COL11A1: variants seen among roughly 807,000 people sequenced by gnomAD.
COL11A1 encodes collagen alpha-1(XI) chain.
A neutral mutation model predicts 265.2 loss-of-function variants in COL11A1; 74 were observed. The observed-to-expected ratio is 0.28, with a 90% CI of 0.23 to 0.34. The LOEUF (loss-of-function observed/expected upper bound fraction) is 0.34. Among genes scored for constraint, COL11A1 ranks in the 10% least tolerant of loss-of-function variants. COL11A1 has a pLI of 1.00. For synonymous variants in COL11A1, 816 were observed against 727.6 expected, an observed-to-expected ratio of 1.12 and a Z score of -1.96; for missense variants, 2,165 against 2,263.6, an observed-to-expected ratio of 0.96 and a Z score of 0.88.
chr1:103,064,776 G>A (rs1055530788), intron 4 of COL11A1, among the ~76,000 whole-genome samples: 3 of 151,222 alleles, frequency 2.0e-5, no homozygotes, highest in African/African-American at 7.3e-5. Context: ...AACTGAAAAG[G>A]CTGCATACTG....
chr1:103,093,531 C>A (rs1368822496), intron 1 of COL11A1, among the ~76,000 whole-genome samples: 1 of 152,060 alleles, frequency 6.6e-6, no homozygotes, highest in East Asian at 1.9e-4. Flanking sequence ...TACAGTTGTG[C>A]AAATTCAGTC....
intron 43 of COL11A1, among the ~76,000 whole-genome samples, chr1:102,939,370 A>G (rs1346395572): frequency 2.0e-5 from 3 of 152,174 alleles, no homozygotes; most frequent in Non-Finnish European, 4.4e-5. Flanking sequence ...GGTAACGGAA[A>G]TACACTGACA....
Position 102,989,500 on chromosome 1 carries a change from C to T in COL11A1, c.2394+18G>A. The T allele has an allele frequency of 6.3e-7, 1 of 1,578,306 alleles. No individual in the cohort carries two copies. ...ATATTAAATTTTGTGTACTGGTGTA[C>T]ATTTTCTCTATACTTACTCTGTCAC... On this transcript the variant is annotated intron_variant, in intron 29 of 66. Coordinates refer to ENST00000370096, the MANE Select transcript of COL11A1 (RefSeq NM_001854.4).
Position 102,921,556 on chromosome 1 carries a change from G to T in COL11A1, c.3670C>A (p.Pro1224Thr). 6.2e-7 allele frequency: 1 copy of T among 1,613,120 alleles called. No individual in the cohort carries two copies. The highest frequency in any genetic ancestry group is 8.5e-7 in the Non-Finnish European group (1 of 1,179,470). Residue 1224 changes from proline (P) to threonine (T), a missense_variant, in exon 48 of 67, where the codon CCA (proline) becomes ACA (threonine). Transcript: ENST00000370096. ...DVGPMGPPGP[P>T]GPRGPQGPNG... is the part of the protein sequence containing the mutation. ...GGACCTTGAGGGCCTCTTGGGCCTG[G>T]AGGACCAGGTGGCCCCTGTAAGAGA...
chr1:103,074,155 A>T (rs896360770), intron 4 of COL11A1, among the ~76,000 whole-genome samples: 1 of 152,084 alleles, frequency 6.6e-6, no homozygotes, highest in Non-Finnish European at 1.5e-5. Flanking sequence ...CATATTTTTT[A>T]AAGTGATTTA....
chr1:103,059,452 A>G (rs1670494151), intron 4 of COL11A1, among the ~76,000 whole-genome samples: 1 of 152,178 alleles, frequency 6.6e-6, no homozygotes, highest in South Asian at 2.1e-4. Flanking sequence ...CCAGTGCATC[A>G]TGTTCACCTT....
rs146613937 is a variant in COL11A1, at chr1:102,926,895, A to T, written c.3601-3506T>A. 4.9e-3 allele frequency among the ~76,000 whole-genome samples: 741 copies of T among 152,276 alleles called. 7 individuals carry two copies. The highest frequency in any genetic ancestry group is 0.017 in the African/African-American group (715 of 41,580). On this transcript the variant is annotated intron_variant, in intron 46 of 66. Coordinates refer to ENST00000370096, the MANE Select transcript of COL11A1 (RefSeq NM_001854.4). ...ATGTGGTACTTATGACTGTTTACGT[A>T]TAATTGTCTAACAAGTATAACCTAA... is the stretch of plus-strand genomic sequence containing the variant.
At chr1:103,103,870 A>G (rs144832303) in intron 1 of COL11A1, among the ~76,000 whole-genome samples, 2 of 152,094 alleles carry the variant, frequency 1.3e-5, no homozygotes, top group African/African-American at 4.8e-5. Flanking sequence ...CCAAAATAAA[A>G]CTTTAATTAG....
chr1:102,892,554 A>G (rs1570646836), intron 57 of COL11A1, among the ~76,000 whole-genome samples: 1 of 152,278 alleles, frequency 6.6e-6, no homozygotes, highest in African/African-American at 2.4e-5. Flanking sequence ...TTTCTCATCT[A>G]CAAGCTGGGG....
At chr1:102,957,894 T>A (rs984571740) in intron 41 of COL11A1, among the ~76,000 whole-genome samples, 15 of 152,018 alleles carry the variant, frequency 9.9e-5, no homozygotes, top group African/African-American at 3.6e-4. Context: ...GAATAACAGA[T>A]ATAAAATACC....
chr1:103,056,214 G>A (rs1393189034), intron 4 of COL11A1, among the ~76,000 whole-genome samples: 1 of 152,038 alleles, frequency 6.6e-6, no homozygotes, highest in Non-Finnish European at 1.5e-5. Context: ...GTTAGAAAGT[G>A]TACGGGAATC....
chr1:102,994,324 AT>A (rs367688114), intron 28 of COL11A1, among the ~76,000 whole-genome samples: 149,024 of 152,102 alleles, frequency 0.98, 73,078 homozygotes, highest in East Asian at 1. Context: ...GTGGATTTCC[AT>A]TGAATGGTTT....
At chr1:102,961,767 T>C in intron 41 of COL11A1, 99 bp downstream of exon 41, 1 of 1,110,442 alleles carries the variant, frequency 9.0e-7, no homozygotes. Flanking sequence ...GTGTTTATTT[T>C]CTCTCCCACA....
intron 41 of COL11A1, among the ~76,000 whole-genome samples, chr1:102,961,285 TA>T (rs1660882565): frequency 6.6e-6 from 1 of 152,170 alleles, no homozygotes; most frequent in Admixed American, 6.5e-5. Flanking sequence ...AAAAATCTGA[TA>T]TTTACTAATT....
At chr1:102,904,232 A>C (rs1653601156) in intron 54 of COL11A1, among the ~76,000 whole-genome samples, 2 of 152,196 alleles carry the variant, frequency 1.3e-5, no homozygotes, top group Non-Finnish European at 2.9e-5. Context: ...TTCAAGATGG[A>C]TTAAAGACTT....
At chr1:103,037,350 T>C (rs1163490381) in intron 4 of COL11A1, among the ~76,000 whole-genome samples, 1 of 151,898 alleles carries the variant, frequency 6.6e-6, no homozygotes, top group Non-Finnish European at 1.5e-5. Context: ...TAAGGTCACA[T>C]GTCAATGTGT....
At chr1:102,985,960 A>C (rs1375986903) in intron 30 of COL11A1, among the ~76,000 whole-genome samples, 34 of 152,154 alleles carry the variant, frequency 2.2e-4, no homozygotes, top group Admixed American at 2.2e-3. Flanking sequence ...TAGAAGTTGC[A>C]AAGTATGAAA....
intron 54 of COL11A1, among the ~76,000 whole-genome samples, chr1:102,909,727 G>A (rs1022164169): frequency 3.3e-5 from 5 of 151,848 alleles, no homozygotes; most frequent in African/African-American, 9.7e-5. Context: ...AAACTACTTC[G>A]GTGTTGTAGA....
chr1:102,921,640 G>T (rs1455516186), intron 47 of COL11A1, 69 bp from the exon 48 acceptor site: 5 of 1,306,718 alleles, frequency 3.8e-6, no homozygotes, highest in African/African-American at 3.0e-5. Flanking sequence ...TTCATTTTAT[G>T]ACTGAAAAAT....
Sources: gnomAD v4.1 joint callset for allele counts (sites outside exome capture counted in the v4.1 genomes callset) on GRCh38, gnomAD v4.1.1 for gene constraint, MANE v1.5 for transcripts, NCBI Gene and HGNC (gene_info 2026-07-23, HGNC 2026-07-21) for gene names.